Variants in CDH15 observed in about 807,000 individuals in gnomAD.
CDH15 encodes the protein cadherin-15.
CDH15 carries 73 observed loss-of-function variants against 69.4 expected under a neutral mutation model. The observed-to-expected ratio is 1.05, with a 90% CI of 0.87 to 1.28. CDH15 has a LOEUF of 1.28. CDH15 is among the 50% of genes most tolerant of loss of function. The pLI is 0.00. For missense variants in CDH15, 1,343 were observed against 1,133.6 expected (o/e 1.18, Z -2.65); for synonymous variants, 624 against 507.7 (o/e 1.23, Z -3.08).
intron 8 of CDH15, 83 bp downstream of exon 8, chr16:89,190,579 G>C (rs2151603602): frequency 6.7e-7 from 1 of 1,499,014 alleles, no homozygotes. Flanking sequence ...CCTGGGCTCT[G>C]AGGGTCAGAG....
chr16:89,190,781 C>A (rs1385217973), intron 8 of CDH15, among the ~76,000 whole-genome samples: 1 of 152,166 alleles, frequency 6.6e-6, no homozygotes, highest in East Asian at 1.9e-4. Flanking sequence ...TGGCCGTTCG[C>A]ATCTCATTTC....
chr16:89,185,660 C>A (rs931922036), intron 5 of CDH15: 1 of 414,712 alleles, frequency 2.4e-6, no homozygotes, highest in Non-Finnish European at 4.5e-6. Context: ...TCTGTCAGGG[C>A]CCCTGTTGCC....
At position 89,188,134 on chromosome 16, in the gene CDH15, T is replaced by G. The variant is rs772561034; in HGVS notation, c.827T>G (p.Val276Gly). Reference protein sequence around the residue: ...FMEAIEAVSGVDVGRLEVEDR... With the variant: ...FMEAIEAVSGGDVGRLEVEDR... The stretch of plus-strand genomic sequence containing the variant: ...GAGGCCATAGAGGCCGTCAGCGGAG[T>G]GGATGTGGGACGCCTGGAAGTGGAG... The change falls in exon 7 of 14, where the codon GTG becomes GGG. Residue 276 changes from valine (V) to glycine (G), a missense_variant. Val to Gly is a moderately radical substitution (Grantham distance 109). Coordinates refer to ENST00000289746, the MANE Select transcript of CDH15 (RefSeq NM_004933.3). 3.1e-6 allele frequency: 5 copies of G among 1,612,776 alleles called. No homozygotes were observed. The highest frequency in any genetic ancestry group is 4.2e-6 in the Non-Finnish European group (5 of 1,179,674).
In CDH15 at chr16:89,195,079, C is replaced by T. The variant is rs146594802; in HGVS notation, c.2369C>T (p.Ala790Val). 2.4e-4 allele frequency: 381 copies of T among 1,611,792 alleles called. No individual in the cohort carries two copies. Among genetic ancestry groups the T allele is most frequent in the Middle Eastern group, 3.3e-4 (2 of 5,998 alleles). ...YGHPCGLEYGARWDHQAREGL... is the reference protein window; with the variant it reads ...YGHPCGLEYGVRWDHQAREGL... The stretch of plus-strand genomic sequence containing the variant: ...CACCCGTGCGGGTTGGAGTACGGGG[C>T]CAGATGGGACCACCAGGCCAGGGAG... Residue 790 changes from alanine to valine, a missense_variant, in exon 14 of 14, where the codon GCC becomes GTC. Coordinates refer to ENST00000289746, the MANE Select transcript of CDH15 (RefSeq NM_004933.3).
At chr16:89,171,973 C>A in intron 1 of CDH15, 100 bp downstream of exon 1, 2 of 1,300,048 alleles carry the variant, frequency 1.5e-6, no homozygotes, top group Non-Finnish European at 2.1e-6. Context: ...GAACCACTGG[C>A]CCTGGTCGCC....
chr16:89,180,033 T>C (rs1370470266), intron 2 of CDH15, among the ~76,000 whole-genome samples, 167 bp from the exon 3 acceptor site: 2 of 152,202 alleles, frequency 1.3e-5, no homozygotes, highest in African/African-American at 2.4e-5. Flanking sequence ...CAGGCTGAGC[T>C]GTCCCCAGCC....
chr16:89,192,435 C>G lies in CDH15; in HGVS notation c.1846C>G (p.Leu616Val). The change falls in exon 11 of 14, where the codon CTG becomes GTG. Residue 616 changes from leucine to valine, a missense_variant. Physicochemically the swap from Leu to Val is conservative, Grantham distance 32. Transcript: ENST00000289746. ...GGTCATCGTGCTGGCCAGCGCCCTC[C>G]TGCTGCTGGGTGAGTGAGCGCCCCG... ...ALVIVLASAL[L>V]LLVLVLLVAL... 6.4e-7 allele frequency: 1 copy of G among 1,558,720 alleles called. No individual in the cohort carries two copies. The highest frequency in any genetic ancestry group is 8.6e-7 in the Non-Finnish European group (1 of 1,159,736).
intron 8 of CDH15, 89 bp downstream of exon 8, chr16:89,190,585 C>T: frequency 6.7e-7 from 1 of 1,499,574 alleles, no homozygotes; most frequent in Non-Finnish European, 9.0e-7. Flanking sequence ...CTCTGAGGGT[C>T]AGAGGGTGTA....
intron 7 of CDH15, among the ~76,000 whole-genome samples, chr16:89,189,160 CAG>C (rs1220894173): frequency 6.8e-6 from 1 of 147,608 alleles, no homozygotes. Context: ...TGCCCACACA[CAG>C]ATGCCCACAC....
intron 4 of CDH15, among the ~76,000 whole-genome samples, chr16:89,184,324 C>T (rs1346818995): frequency 6.6e-6 from 1 of 152,200 alleles, no homozygotes; most frequent in Non-Finnish European, 1.5e-5. Flanking sequence ...GAAGTCACAG[C>T]CAGCCAGGAG....
Position 89,191,649 on chromosome 16 carries a change from C to T in CDH15, c.1376-6C>T, listed in dbSNP as rs1032051132. The T allele has an allele frequency of 1.9e-6, 3 of 1,581,638 alleles. No individual in the cohort carries two copies. Among genetic ancestry groups the T allele is most frequent in the Admixed American group, 1.8e-5 (1 of 55,918 alleles). On this transcript the variant is annotated splice_region_variant and splice_polypyrimidine_tract_variant and intron_variant, in intron 9 of 13. Transcript: ENST00000289746. Reference sequence around the variant, plus strand: ...GGTCACTAAGCCGCGGCCTCCTCGCCTGCAGCCTCCCAGCCCCGCACCGCC... The same window carrying T: ...GGTCACTAAGCCGCGGCCTCCTCGCTTGCAGCCTCCCAGCCCCGCACCGCC...
Position 89,191,911 on chromosome 16 carries a change from G to GCCGCGCTCCCCCCATCC in CDH15, c.1615+20_1615+36dup. ...AGGTCAACGGTGCGCTCCCCTCACCGCCGCGCTCCCCCCATCCCCACGCTC... is the reference window on the plus strand; with the variant it reads ...AGGTCAACGGTGCGCTCCCCTCACCGCCGCGCTCCCCCCATCCCCGCGCTCCCCCCATCCCCACGCTC... On this transcript the variant is annotated intron_variant, in intron 10 of 13. Coordinates refer to ENST00000289746, the MANE Select transcript of CDH15 (RefSeq NM_004933.3). 6.5e-7 allele frequency: 1 copy of GCCGCGCTCCCCCCATCC among 1,535,736 alleles called. No homozygotes were observed. Among genetic ancestry groups the GCCGCGCTCCCCCCATCC allele is most frequent in the Non-Finnish European group, 8.7e-7 (1 of 1,146,094 alleles).
chr16:89,183,729 G>T (rs763850349), intron 4 of CDH15, 37 bp downstream of exon 4: 8 of 1,558,688 alleles, frequency 5.1e-6, no homozygotes, highest in Non-Finnish European at 6.9e-6. Flanking sequence ...GGGAGGGGCT[G>T]CAAGGAAGGG....
Position 89,193,578 on chromosome 16 carries a change from A to G in CDH15, c.1964A>G (p.Asp655Gly). Residue 655 changes from aspartate (D) to glycine (G), a missense_variant, in exon 12 of 14, where the codon GAT (aspartate) becomes GGT (glycine). Physicochemically the swap from Asp to Gly is moderately conservative, Grantham distance 94. Coordinates refer to ENST00000289746, the MANE Select transcript of CDH15 (RefSeq NM_004933.3). ...DDLRDNVLNY[D>G]EQGGGEEDQD... ...CTTCGAGACAATGTCCTCAACTACG[A>G]TGAGCAAGGAGGCGGGGAGGAGGAC... 6 of 1,595,408 alleles carry G rather than the reference A, an allele frequency of 3.8e-6. No homozygotes were observed. The highest frequency in any genetic ancestry group is 4.3e-6 in the Non-Finnish European group (5 of 1,167,160).
At chr16:89,172,534 C>T (rs532675340) in intron 1 of CDH15, among the ~76,000 whole-genome samples, 150 of 152,278 alleles carry the variant, frequency 9.9e-4, no homozygotes, top group African/African-American at 3.4e-3. Flanking sequence ...GTGATCAGGC[C>T]TGGGGGCCCA....
intron 3 of CDH15, among the ~76,000 whole-genome samples, chr16:89,182,308 C>A (rs1915398185): frequency 7.1e-6 from 1 of 141,378 alleles, no homozygotes. Flanking sequence ...CCCAGCCTGC[C>A]CTCTCCCAGC....
chr16:89,193,659 G>A, intron 12 of CDH15, 53 bp downstream of exon 12: 3 of 1,567,106 alleles, frequency 1.9e-6, no homozygotes, highest in Middle Eastern at 1.8e-4. Flanking sequence ...CAGGTCGCGG[G>A]CCTTCTTACA....
chr16:89,193,510 G>C lies in CDH15; in HGVS notation c.1896G>C (p.Lys632Asn). Residue 632 changes from lysine to asparagine, a missense_variant, in exon 12 of 14, where the codon AAG (lysine) becomes AAC (asparagine). By Grantham distance (94) the Lys-to-Asn change is moderately conservative. Coordinates refer to ENST00000289746, the MANE Select transcript of CDH15 (RefSeq NM_004933.3). The stretch of plus-strand genomic sequence containing the variant: ...TGGCACTCCGGGCGCGGTTCTGGAA[G>C]CAGTCTCGGGGCAAGGGGCTGCTGC... ...LLVALRARFW[K>N]QSRGKGLLHG... 1.2e-6 allele frequency: 2 copies of C among 1,612,180 alleles called. No individual in the cohort carries two copies. Among genetic ancestry groups the C allele is most frequent in the Non-Finnish European group, 8.5e-7 (1 of 1,179,796 alleles).
Position 89,185,268 on chromosome 16 carries a change from G to A in CDH15, c.598G>A (p.Glu200Lys), listed in dbSNP as rs141084668. 2,413 of 1,605,874 alleles carry A rather than the reference G, an allele frequency of 1.5e-3. 4 individuals are homozygous for A. The highest frequency in any genetic ancestry group is 1.9e-3 in the Non-Finnish European group (2,241 of 1,176,516). ...RFSILQQGSP[E>K]LFSIDELTGE... is the part of the protein sequence containing the mutation. ...CTCCATCCTGCAGCAGGGCAGCCCC[G>A]AGCTCTTCAGCATCGACGAGCTCAC... The change falls in exon 5 of 14, where the codon GAG (glutamate) becomes AAG (lysine). Residue 200 changes from glutamate to lysine, a missense_variant. Glu to Lys is a moderately conservative substitution (Grantham distance 56). Transcript: ENST00000289746.
Sources: allele counts gnomAD v4.1 joint callset (sites outside exome capture counted in the v4.1 genomes callset), GRCh38; gene constraint gnomAD v4.1.1; transcripts MANE v1.5; gene names NCBI Gene and HGNC (gene_info 2026-07-23, HGNC 2026-07-21).